TRIO: variants seen among roughly 807,000 people sequenced by gnomAD.
The protein encoded by TRIO is triple functional domain protein.
TRIO carries 58 observed loss-of-function variants against 351.9 expected under a neutral mutation model. The observed-to-expected ratio is 0.16, with a 90% CI of 0.13 to 0.21. TRIO has a LOEUF of 0.21. Ranked by LOEUF, TRIO falls within the 10% of genes least tolerant of loss-of-function variation. TRIO has a pLI of 1.00. For missense variants in TRIO, 3,201 were observed against 4,027.8 expected, an observed-to-expected ratio of 0.79 and a Z score of 5.56; for synonymous variants, 1,758 against 1,595.7, an observed-to-expected ratio of 1.10 and a Z score of -2.42.
intron 1 of TRIO, among the ~76,000 whole-genome samples, chr5:14,196,002 A>G (rs1790747574): frequency 6.6e-6 from 1 of 152,186 alleles, no homozygotes; most frequent in South Asian, 2.1e-4. Flanking sequence ...TTAAATGTTT[A>G]TGATGGTTGC....
At chr5:14,463,595 A>G (rs1753994159) in intron 36 of TRIO, among the ~76,000 whole-genome samples, 1 of 152,130 alleles carries the variant, frequency 6.6e-6, no homozygotes, top group African/African-American at 2.4e-5. Context: ...AAACCTGCTC[A>G]GTGTGGCTTG....
At position 14,456,306 on chromosome 5, in the gene TRIO, CAG is replaced by C. The variant is rs1315483486; in HGVS notation, c.5204-4708_5204-4707del. Among the ~76,000 whole-genome samples the C allele has an allele frequency of 2.0e-5, 3 of 152,372 alleles. No homozygotes were observed. In the East Asian group the frequency reaches 5.8e-4, roughly 29 times the overall value. ...GGGAGCCCTCCAGCCTCAGCCAGCT[CAG>C]AGAGGGGCTCCCACAGTGCAGCGGT... On this transcript the variant is annotated intron_variant, in intron 34 of 56. Coordinates refer to ENST00000344204, the MANE Select transcript of TRIO (RefSeq NM_007118.4).
intron 37 of TRIO, 114 bp downstream of exon 37, chr5:14,465,754 A>T: frequency 8.4e-7 from 1 of 1,191,418 alleles, no homozygotes; most frequent in South Asian, 1.3e-5. Flanking sequence ...GCTGTGGCTT[A>T]TGGCACATCT....
chr5:14,496,886 A>G lies in TRIO; in HGVS notation c.7888A>G (p.Thr2630Ala). The G allele has an allele frequency of 3.1e-6, 5 of 1,614,118 alleles. No individual in the cohort carries two copies. The highest frequency in any genetic ancestry group is 4.2e-6 in the Non-Finnish European group (5 of 1,179,984). ...ENPDGTLKKS[T>A]SWHTALRLRK... ...TGTGTTCATTTCCCCTAGGAAGTCA[A>G]CATCTTGGCACACAGCACTCCGTTT... The change falls in exon 50 of 57, where the codon ACA (threonine) becomes GCA (alanine). Residue 2630 changes from threonine (T) to alanine (A), a missense_variant. Physicochemically the swap from Thr to Ala is moderately conservative, Grantham distance 58. Transcript: ENST00000344204.
At chr5:14,232,036 A>T (rs1395812173) in intron 1 of TRIO, among the ~76,000 whole-genome samples, 1 of 152,226 alleles carries the variant, frequency 6.6e-6, no homozygotes, top group Non-Finnish European at 1.5e-5. Flanking sequence ...AGCCCCTGTG[A>T]TAAAAGCATA....
rs1579875152 is a variant in TRIO at position 14,510,177 on chromosome 5, T to C, written c.*1755T>C. 6.6e-6 allele frequency: 1 copy of C among 152,260 alleles called. No homozygotes were observed. Among genetic ancestry groups the C allele is most frequent in the South Asian group, 2.1e-4 (1 of 4,832 alleles). The allele number at this position is 152,260 out of a possible 1,614,324, so 9.4% of individuals were successfully genotyped here. The stretch of plus-strand genomic sequence containing the variant: ...AAATATTTTATTTTGCCATCAGTTA[T>C]TTTAAAAAATTAAACATATTTGCCT... On this transcript the variant is annotated 3_prime_UTR_variant, in exon 57 of 57. Coordinates refer to ENST00000344204, the MANE Select transcript of TRIO (RefSeq NM_007118.4).
chr5:14,479,485 C>A (rs1352372307), intron 42 of TRIO, 135 bp downstream of exon 42: 1 of 699,264 alleles, frequency 1.4e-6, no homozygotes, highest in African/African-American at 1.8e-5. Context: ...ACTTCTGAAC[C>A]TTTCTTTCTT....
chr5:14,501,580 G>A (rs1332028020), intron 53 of TRIO, among the ~76,000 whole-genome samples: 2 of 152,228 alleles, frequency 1.3e-5, no homozygotes, highest in African/African-American at 4.8e-5. Context: ...CCAGCCATGA[G>A]TGAGTCAGGG....
chr5:14,415,499 T>C (rs895767441), intron 33 of TRIO, among the ~76,000 whole-genome samples: 1 of 152,160 alleles, frequency 6.6e-6, no homozygotes. Flanking sequence ...CAACTCGCAG[T>C]GTGAGAAGTC....
chr5:14,165,199 G>T (rs1364565433), intron 1 of TRIO, among the ~76,000 whole-genome samples: 2 of 152,154 alleles, frequency 1.3e-5, no homozygotes, highest in African/African-American at 4.8e-5. Flanking sequence ...TTGATGCTAA[G>T]GTTTGGAATA....
At chr5:14,315,549 C>T (rs1739312483) in intron 8 of TRIO, among the ~76,000 whole-genome samples, 1 of 152,124 alleles carries the variant, frequency 6.6e-6, no homozygotes, top group Admixed American at 6.5e-5. Flanking sequence ...CCACACCCGG[C>T]CTGCTTACTA....
intron 1 of TRIO, among the ~76,000 whole-genome samples, chr5:14,207,318 T>TCA (rs371912129): frequency 0.029 from 320 of 11,038 alleles, 20 homozygotes; most frequent in Admixed American, 0.064. Context: ...AGACTGTCTC[T>TCA]CACACACACA....
intron 1 of TRIO, among the ~76,000 whole-genome samples, chr5:14,188,326 C>T (rs2152145644): frequency 6.6e-6 from 1 of 152,210 alleles, no homozygotes; most frequent in Non-Finnish European, 1.5e-5. Flanking sequence ...AATATTTTCT[C>T]CATTTTACAG....
rs149134122 is a variant in TRIO, at chr5:14,492,805, G to A, written c.7871G>A (p.Gly2624Glu). Reference sequence around the variant, plus strand: ...GCAGTCATCGTGGAGAACCCGGACGGGACTCTCAAGTGAGTGCTTGACAGT... The same window carrying A: ...GCAGTCATCGTGGAGAACCCGGACGAGACTCTCAAGTGAGTGCTTGACAGT... Reference protein sequence around the residue: ...TSAVIVENPDGTLKKSTSWHT... With the variant: ...TSAVIVENPDETLKKSTSWHT... Residue 2624 changes from glycine (G) to glutamate (E), a missense_variant, in exon 49 of 57, where the codon GGG (glycine) becomes GAG (glutamate). Transcript: ENST00000344204. The A allele has an allele frequency of 7.1e-5, 114 of 1,613,632 alleles. No individual in the cohort carries two copies. The African/African-American group carries it at 1.3e-3, about 19-fold the overall frequency.
rs1018676600 is a variant in TRIO at position 14,358,227 on chromosome 5, A to G, written c.2096A>G (p.Tyr699Cys). 2 of 1,614,124 alleles carry G rather than the reference A, an allele frequency of 1.2e-6. No individual in the cohort carries two copies. The highest frequency in any genetic ancestry group is 1.7e-6 in the Non-Finnish European group (2 of 1,179,982). ...ELQKELLDDV[Y>C]AESVEAVQDL... The stretch of plus-strand genomic sequence containing the variant: ...CAGAAGGAGCTGCTGGACGACGTGT[A>G]TGCCGAGTCGGTGGAGGCCGTGCAG... The change falls in exon 12 of 57, where the codon TAT becomes TGT. Residue 699 changes from tyrosine (Y) to cysteine (C), a missense_variant. By Grantham distance (194) the Tyr-to-Cys change is radical. Around this residue, in one of 19 missense-constraint regions of TRIO, gnomAD observed 363 missense variants for 553.5 expected, o/e 0.66. Transcript: ENST00000344204.
intron 1 of TRIO, among the ~76,000 whole-genome samples, chr5:14,236,230 G>A (rs958470518): frequency 6.6e-6 from 1 of 151,794 alleles, no homozygotes; most frequent in African/African-American, 2.4e-5. Flanking sequence ...ATGATTAACG[G>A]TATTTTCTTC....
chr5:14,454,373 T>C (rs1753082106), intron 34 of TRIO, among the ~76,000 whole-genome samples: 1 of 152,202 alleles, frequency 6.6e-6, no homozygotes. Context: ...AAGTGAGAGA[T>C]GAGTCGCTAG....
intron 53 of TRIO, among the ~76,000 whole-genome samples, chr5:14,500,381 C>T (rs1293006889): frequency 6.6e-6 from 1 of 152,166 alleles, no homozygotes; most frequent in Non-Finnish European, 1.5e-5. Context: ...TTGCAGAGCC[C>T]CAGTTCTCAG....
chr5:14,160,070 A>G (rs1788362242), intron 1 of TRIO, among the ~76,000 whole-genome samples: 1 of 152,268 alleles, frequency 6.6e-6, no homozygotes, highest in South Asian at 2.1e-4. Context: ...AAAAAGAGAC[A>G]TCGCAGAAGA....
Sources: gnomAD v4.1 joint callset for allele counts (sites outside exome capture counted in the v4.1 genomes callset) on GRCh38, gnomAD v4.1.1 for gene constraint, gnomAD v4.1.1 regional missense constraint, MANE v1.5 for transcripts, NCBI Gene and HGNC (gene_info 2026-07-23, HGNC 2026-07-21) for gene names.